The following MARCHF1 variants were observed in gnomAD, a reference collection of about 807,000 sequenced individuals.
MARCHF1 encodes the protein E3 ubiquitin-protein ligase MARCHF1.
In MARCHF1, 40 loss-of-function variants were observed where a neutral mutation model predicts 54.2. That is an observed-to-expected ratio of 0.74 (90% CI 0.57 to 0.96). MARCHF1 has a LOEUF of 0.96. Among genes scored for constraint, MARCHF1 ranks in the 40% least tolerant of loss-of-function variants. The pLI is 0.00. For synonymous variants in MARCHF1, 236 were observed against 236.3 expected, an observed-to-expected ratio of 1.00 and a Z score of 0.01; for missense variants, 586 against 656.5, an observed-to-expected ratio of 0.89 and a Z score of 1.17.
chr4:164,113,055 T>C (rs1457085827), intron 1 of MARCHF1, among the ~76,000 whole-genome samples: 2 of 148,542 alleles, frequency 1.3e-5, no homozygotes, highest in African/African-American at 5.1e-5. Context: ...GTGAGGACAC[T>C]GTCTTCCAGC....
chr4:163,922,801 T>C (rs961379389), intron 3 of MARCHF1, among the ~76,000 whole-genome samples: 9 of 152,200 alleles, frequency 5.9e-5, no homozygotes, highest in African/African-American at 1.7e-4. Context: ...CTTATTTCCA[T>C]TTGATTAATA....
intron 1 of MARCHF1, among the ~76,000 whole-genome samples, chr4:164,179,401 A>C (rs58801333): frequency 1.6e-4 from 18 of 112,188 alleles, no homozygotes; most frequent in African/African-American, 7.5e-4. Flanking sequence ...CAAAGTATGT[A>C]ATACTTGAAC....
chr4:164,012,808 T>A (rs775588912), intron 2 of MARCHF1, among the ~76,000 whole-genome samples: 1 of 152,138 alleles, frequency 6.6e-6, no homozygotes, highest in Non-Finnish European at 1.5e-5. Context: ...GGCGACAGGA[T>A]TTGCACCATT....
At chr4:163,986,626 G>C (rs150403159) in intron 3 of MARCHF1, among the ~76,000 whole-genome samples, 34 of 152,050 alleles carry the variant, frequency 2.2e-4, no homozygotes, top group African/African-American at 8.2e-4. Context: ...AGTGTTTTTT[G>C]ACCCTGAAAG....
chr4:164,140,617 A>T (rs988652320), intron 1 of MARCHF1, among the ~76,000 whole-genome samples: 2 of 152,130 alleles, frequency 1.3e-5, no homozygotes, highest in South Asian at 4.1e-4. Flanking sequence ...TGGATTTCAG[A>T]CTGATCTGCC....
At chr4:164,140,779 C>CAT (rs1324644942) in intron 1 of MARCHF1, among the ~76,000 whole-genome samples, 1 of 152,056 alleles carries the variant, frequency 6.6e-6, no homozygotes, top group African/African-American at 2.4e-5. Context: ...CATACACACA[C>CAT]ACACACTGAA....
At chr4:163,835,791 T>C (rs1253905463) in intron 4 of MARCHF1, among the ~76,000 whole-genome samples, 5 of 152,244 alleles carry the variant, frequency 3.3e-5, no homozygotes, top group Non-Finnish European at 7.3e-5. Flanking sequence ...ATATCAATTT[T>C]GAGAATTTCA....
At chr4:164,373,008 A>G (rs1352847104) in intron 1 of MARCHF1, among the ~76,000 whole-genome samples, 1 of 152,198 alleles carries the variant, frequency 6.6e-6, no homozygotes, top group African/African-American at 2.4e-5. Context: ...TGTATAGCAT[A>G]TATCTTATAA....
At chr4:164,267,253 G>C (rs1178332648) in intron 1 of MARCHF1, among the ~76,000 whole-genome samples, 1 of 152,156 alleles carries the variant, frequency 6.6e-6, no homozygotes, top group Non-Finnish European at 1.5e-5. Flanking sequence ...CTACCTCTTG[G>C]TATTTATACC....
chr4:163,972,809 G>A (rs9991878), intron 3 of MARCHF1, among the ~76,000 whole-genome samples: 96,605 of 151,060 alleles, frequency 0.64, 31,018 homozygotes, highest in East Asian at 0.89. Flanking sequence ...CACCTGCCTC[G>A]GCCTCCCAAA....
rs528650528 is a variant in MARCHF1 at position 164,228,212 on chromosome 4, C to T, written c.-322-116550G>A. On this transcript the variant is annotated intron_variant, in intron 1 of 9. Coordinates refer to ENST00000514618, the MANE Select transcript of MARCHF1 (RefSeq NM_001394959.1). Reference sequence around the variant, plus strand: ...ATGTAGTCAAGATACTACAAAGTTTCCAGCTAAGGTTAGAGGTACAAACTT... The same window carrying T: ...ATGTAGTCAAGATACTACAAAGTTTTCAGCTAAGGTTAGAGGTACAAACTT... Among the ~76,000 whole-genome samples, 92 of 152,264 alleles carry T rather than the reference C, an allele frequency of 6.0e-4. 1 individual carries two copies. The Middle Eastern group carries it at 0.017, about 28-fold the overall frequency.
chr4:164,191,887 A>G (rs1367444303), intron 1 of MARCHF1, among the ~76,000 whole-genome samples: 1 of 152,128 alleles, frequency 6.6e-6, no homozygotes, highest in Non-Finnish European at 1.5e-5. Flanking sequence ...GTGTTGTAAC[A>G]TTGTGTTTCT....
chr4:163,817,531 C>T (rs1406146871), intron 4 of MARCHF1, among the ~76,000 whole-genome samples: 1 of 151,660 alleles, frequency 6.6e-6, no homozygotes, highest in African/African-American at 2.4e-5. Context: ...ATTGTTACTA[C>T]ACTATGTTTC....
At chr4:163,844,226 C>A (rs1015913008) in intron 4 of MARCHF1, among the ~76,000 whole-genome samples, 2 of 151,944 alleles carry the variant, frequency 1.3e-5, no homozygotes, top group South Asian at 4.1e-4. Flanking sequence ...GCATGAGGTA[C>A]GTGGTTTTCT....
intron 3 of MARCHF1, among the ~76,000 whole-genome samples, chr4:163,967,925 C>T (rs574651502): frequency 6.6e-6 from 1 of 152,072 alleles, no homozygotes; most frequent in African/African-American, 2.4e-5. Context: ...TGAGACCCAC[C>T]CACATTATGA....
chr4:163,952,612 C>T (rs781175699), intron 3 of MARCHF1, among the ~76,000 whole-genome samples: 6 of 152,142 alleles, frequency 3.9e-5, no homozygotes, highest in African/African-American at 1.2e-4. Context: ...GTAGTAATTA[C>T]GATCCAGCCC....
chr4:164,035,633 CAAAA>C (rs34846855), intron 2 of MARCHF1, among the ~76,000 whole-genome samples: 3 of 144,218 alleles, frequency 2.1e-5, no homozygotes, highest in Admixed American at 6.9e-5. Context: ...ATAAAGAATA[CAAAA>C]AAAAAAAAAT....
intron 2 of MARCHF1, among the ~76,000 whole-genome samples, chr4:164,075,186 T>C (rs757573984): frequency 2.0e-5 from 3 of 152,210 alleles, no homozygotes; most frequent in Non-Finnish European, 4.4e-5. Flanking sequence ...ATAAATTTAA[T>C]AGCATCACAG....
intron 1 of MARCHF1, among the ~76,000 whole-genome samples, chr4:164,158,852 C>A (rs1730154188): frequency 6.6e-6 from 1 of 152,038 alleles, no homozygotes; most frequent in Non-Finnish European, 1.5e-5. Context: ...TCCTTTTCTT[C>A]AAGGCGCAGT....
Sources: allele counts gnomAD v4.1 joint callset (sites outside exome capture counted in the v4.1 genomes callset), GRCh38; gene constraint gnomAD v4.1.1; transcripts MANE v1.5; gene names NCBI Gene and HGNC (gene_info 2026-07-23, HGNC 2026-07-21).